Variants in RALGPS2 observed in about 807,000 individuals in gnomAD.
RALGPS2 encodes Ral GEF with PH domain and SH3 binding motif 2.
A neutral mutation model predicts 86.8 loss-of-function variants in RALGPS2; 43 were observed. That is an observed-to-expected ratio of 0.50 (90% CI 0.39 to 0.64). RALGPS2 has a LOEUF of 0.64. Among genes scored for constraint, RALGPS2 ranks in the 30% least tolerant of loss-of-function variants. The pLI is 0.00. For synonymous variants in RALGPS2, 243 were observed against 231.3 expected, an observed-to-expected ratio of 1.05 and a Z score of -0.46; for missense variants, 536 against 694.6, an observed-to-expected ratio of 0.77 and a Z score of 2.57.
At chr1:178,765,827 A>C (rs569734614) in intron 1 of RALGPS2, among the ~76,000 whole-genome samples, 1 of 152,128 alleles carries the variant, frequency 6.6e-6, no homozygotes, top group Non-Finnish European at 1.5e-5. Context: ...TACTTCTCCT[A>C]TTTGCTTTTG....
intron 10 of RALGPS2, 135 bp from the exon 11 acceptor site, chr1:178,883,331 C>T: frequency 3.1e-6 from 2 of 645,946 alleles, no homozygotes; most frequent in Non-Finnish European, 5.3e-6. Flanking sequence ...GAAGATTGCT[C>T]TTGAAGAAAA....
At chr1:178,776,521 G>A (rs1333386439) in intron 1 of RALGPS2, among the ~76,000 whole-genome samples, 161 bp from the exon 2 acceptor site, 1 of 152,112 alleles carries the variant, frequency 6.6e-6, no homozygotes, top group Non-Finnish European at 1.5e-5. Context: ...TTTGAAAAGA[G>A]CATACAAGAT....
chr1:178,760,979 C>CTTT (rs200598214), intron 1 of RALGPS2, among the ~76,000 whole-genome samples: 2 of 138,094 alleles, frequency 1.4e-5, no homozygotes, highest in East Asian at 2.1e-4. Context: ...AGACTTTATT[C>CTTT]TTTTTTTTTT....
Position 178,829,458 on chromosome 1 carries a change from A to G in RALGPS2, c.481-3966A>G, listed in dbSNP as rs187943060. On this transcript the variant is annotated intron_variant, in intron 7 of 19. Transcript: ENST00000367635. ...AGATTCTCATAGGTACATGAACCCT[A>G]TTGTGAACTCCGCATGTGAAGGATC... 6.1e-3 allele frequency among the ~76,000 whole-genome samples: 924 copies of G among 152,300 alleles called. 10 individuals carry two copies. The highest frequency in any genetic ancestry group is 0.021 in the African/African-American group (884 of 41,570).
At chr1:178,805,449 T>C (rs2102185561) in intron 4 of RALGPS2, among the ~76,000 whole-genome samples, 1 of 151,612 alleles carries the variant, frequency 6.6e-6, no homozygotes, top group East Asian at 1.9e-4. Context: ...TTGAATTGAT[T>C]TTTGTATAAG....
intron 4 of RALGPS2, among the ~76,000 whole-genome samples, chr1:178,799,528 A>G (rs1282526145): frequency 6.6e-6 from 1 of 152,138 alleles, no homozygotes; most frequent in Non-Finnish European, 1.5e-5. Flanking sequence ...CTAAACCCTG[A>G]GTCTTGAAGG....
intron 3 of RALGPS2, 151 bp downstream of exon 3, chr1:178,784,673 CAG>C: frequency 1.9e-6 from 1 of 537,352 alleles, no homozygotes; most frequent in Non-Finnish European, 3.1e-6. Flanking sequence ...GTGGAGCAAA[CAG>C]AGGGATGAAG....
chr1:178,905,028 A>C (rs1660334082), intron 18 of RALGPS2, among the ~76,000 whole-genome samples: 1 of 152,046 alleles, frequency 6.6e-6, no homozygotes, highest in African/African-American at 2.4e-5. Flanking sequence ...GATTTTTTTC[A>C]GCAGTGTTTT....
chr1:178,893,710 C>T, intron 15 of RALGPS2: 1 of 401,358 alleles, frequency 2.5e-6, no homozygotes, highest in South Asian at 4.4e-5. Flanking sequence ...GTTTTTTAAC[C>T]ATCTGCTGAC....
At chr1:178,823,076 CCT>C (rs1482939332) in intron 7 of RALGPS2, among the ~76,000 whole-genome samples, 2 of 152,312 alleles carry the variant, frequency 1.3e-5, no homozygotes, top group African/African-American at 2.4e-5. Flanking sequence ...CCCGCCTTAG[CCT>C]CTCAAAGTGC....
chr1:178,853,287 C>G, intron 8 of RALGPS2: 4 of 886,418 alleles, frequency 4.5e-6, no homozygotes, highest in South Asian at 1.0e-4. Context: ...GGTTCCTGGT[C>G]TCTCTCATAT....
At chr1:178,863,625 G>A (rs1292503587) in intron 8 of RALGPS2, among the ~76,000 whole-genome samples, 1 of 152,178 alleles carries the variant, frequency 6.6e-6, no homozygotes, top group Non-Finnish European at 1.5e-5. Context: ...AAATGCAAAC[G>A]TCTAGCTTTG....
chr1:178,887,175 G>C (rs1659526556), intron 13 of RALGPS2, among the ~76,000 whole-genome samples: 1 of 152,182 alleles, frequency 6.6e-6, no homozygotes, highest in Non-Finnish European at 1.5e-5. Flanking sequence ...CATATAGCCT[G>C]GGCAGTGTGG....
intron 1 of RALGPS2, among the ~76,000 whole-genome samples, chr1:178,740,110 A>G (rs1335622447): frequency 6.6e-6 from 1 of 152,202 alleles, no homozygotes; most frequent in African/African-American, 2.4e-5. Flanking sequence ...GCTGTAAATT[A>G]TATGATCCCC....
intron 19 of RALGPS2, among the ~76,000 whole-genome samples, chr1:178,908,419 A>G (rs1371576566): frequency 6.6e-6 from 1 of 152,156 alleles, no homozygotes; most frequent in Non-Finnish European, 1.5e-5. Context: ...TTGGTAGAAC[A>G]ATTTATTTTC....
chr1:178,736,250 G>A (rs772839166), intron 1 of RALGPS2, among the ~76,000 whole-genome samples: 2 of 141,708 alleles, frequency 1.4e-5, no homozygotes, highest in Admixed American at 7.3e-5. Context: ...TGCAGCCTCC[G>A]CCTCCTGGGT....
intron 4 of RALGPS2, among the ~76,000 whole-genome samples, chr1:178,788,509 C>T (rs1653778394): frequency 6.6e-6 from 1 of 152,130 alleles, no homozygotes; most frequent in Non-Finnish European, 1.5e-5. Context: ...GAAGACCTTA[C>T]TGAGAAGATG....
At chr1:178,897,627 C>T in intron 16 of RALGPS2, 37 bp from the exon 17 acceptor site, 1 of 1,494,846 alleles carries the variant, frequency 6.7e-7, no homozygotes, top group East Asian at 2.3e-5. Context: ...AAGCCAGGAG[C>T]ATTGTAATAG....
rs562149951 is a variant in RALGPS2 at position 178,805,944 on chromosome 1, AT to A, written c.214-2091del. On this transcript the variant is annotated intron_variant, in intron 4 of 19. Transcript: ENST00000367635. ...CTTAATATTTCCAAACACATAAGGAATTTTTTTTTTCACTTTCAGAAACAGA... is the reference window on the plus strand; with the variant it reads ...CTTAATATTTCCAAACACATAAGGAATTTTTTTTTCACTTTCAGAAACAGA... Among the ~76,000 whole-genome samples, 217 of 150,238 alleles carry A rather than the reference AT, an allele frequency of 1.4e-3. 1 individual carries two copies. The Middle Eastern group carries it at 0.024, about 16-fold the overall frequency.
Sources: gnomAD v4.1 joint callset for allele counts (sites outside exome capture counted in the v4.1 genomes callset) on GRCh38, gnomAD v4.1.1 for gene constraint, MANE v1.5 for transcripts, NCBI Gene and HGNC (gene_info 2026-07-23, HGNC 2026-07-21) for gene names.